Variants in CHD1 observed in about 807,000 individuals in gnomAD.
CHD1 encodes the protein chromodomain helicase DNA binding protein 1, also known as ATP-dependent chromatin remodeler CHD1.
A neutral mutation model predicts 224.2 loss-of-function variants in CHD1; 36 were observed. The observed-to-expected ratio is 0.16, with a 90% CI of 0.12 to 0.21. The LOEUF (loss-of-function observed/expected upper bound fraction) is 0.21, where lower values mean the gene tolerates loss of function less well. Among genes scored for constraint, CHD1 ranks in the 10% least tolerant of loss-of-function variants. The probability of loss-of-function intolerance (pLI) is 1.00; values close to 1 mark genes in which losing one functional copy is unlikely to be tolerated. For missense variants in CHD1, 1,378 were observed against 1,994.8 expected (o/e 0.69, Z 5.89); for synonymous variants, 668 against 658.3 (o/e 1.01, Z -0.23).
At position 98,856,669 on chromosome 5, in the gene CHD1, T is replaced by C; in HGVS notation, c.4844A>G (p.His1615Arg). 1 of 1,613,740 alleles carries C rather than the reference T, an allele frequency of 6.2e-7. No homozygotes were observed. The highest frequency in any genetic ancestry group is 8.5e-7 in the Non-Finnish European group (1 of 1,179,702). The change falls in exon 36 of 36, where the codon CAC (histidine) becomes CGC (arginine). Residue 1615 changes from histidine (H) to arginine (R), a missense_variant. Physicochemically the swap from His to Arg is conservative, Grantham distance 29. Coordinates refer to ENST00000614616, the MANE Select transcript of CHD1 (RefSeq NM_001270.4). Reference sequence around the variant, plus strand: ...TAAACTTCCTTCCAAATTTGACCTGTGATCTCTACTCCTGTGATCATCCAG... The same window carrying C: ...TAAACTTCCTTCCAAATTTGACCTGCGATCTCTACTCCTGTGATCATCCAG... The part of the protein sequence containing the change: ...RKLDDHRSRD[H>R]RSNLEGSLKD...
chr5:98,896,149 C>A, intron 12 of CHD1, 77 bp downstream of exon 12: 1 of 1,229,792 alleles, frequency 8.1e-7, no homozygotes, highest in East Asian at 2.4e-5. Context: ...AGTGAAACCC[C>A]ATCTCAAAAC....
chr5:98,904,937 T>C lies in CHD1; in HGVS notation c.215A>G (p.Asn72Ser). ...TTTCGGTGGTTTTGCTTGAACTTTG[T>C]TTTCTCGGGAAGTGTCTGACTCAGA... ...SESESDTSRE[N>S]KVQAKPPKVD... Residue 72 changes from asparagine to serine, a missense_variant, in exon 3 of 36, where the codon AAC (asparagine) becomes AGC (serine). By Grantham distance (46) the Asn-to-Ser change is conservative. Coordinates refer to ENST00000614616, the MANE Select transcript of CHD1 (RefSeq NM_001270.4). 1 of 1,613,930 alleles carries C rather than the reference T, an allele frequency of 6.2e-7. No homozygotes were observed. Among genetic ancestry groups the C allele is most frequent in the South Asian group, 1.1e-5 (1 of 91,086 alleles).
intron 12 of CHD1, 146 bp downstream of exon 12, chr5:98,896,080 C>T: frequency 1.6e-6 from 1 of 643,926 alleles, no homozygotes; most frequent in Admixed American, 2.8e-5. Flanking sequence ...TGGCGTGCTC[C>T]TGTGGTCCCA....
chr5:98,911,147 ATATATATATATATATAT>A (rs1437315310), intron 2 of CHD1, among the ~76,000 whole-genome samples: 9 of 47,754 alleles, frequency 1.9e-4, no homozygotes, highest in African/African-American at 5.4e-4. Flanking sequence ...AAAAAAAAAA[ATATATATATATATATAT>A]ATATATATAT....
At chr5:98,889,994 A>T (rs1180496926) in intron 15 of CHD1, among the ~76,000 whole-genome samples, 1 of 152,190 alleles carries the variant, frequency 6.6e-6, no homozygotes, top group Non-Finnish European at 1.5e-5. Flanking sequence ...TTACAAGTGC[A>T]AGTTAAACAC....
chr5:98,896,517 T>G (rs1046782786), intron 11 of CHD1, 75 bp from the exon 12 acceptor site: 7 of 951,406 alleles, frequency 7.4e-6, no homozygotes, highest in Non-Finnish European at 1.1e-5. Flanking sequence ...ATCATGTGTA[T>G]ATGTTTTTAT....
At chr5:98,870,942 A>C in intron 28 of CHD1, 139 bp from the exon 29 acceptor site, 6 of 448,034 alleles carry the variant, frequency 1.3e-5, no homozygotes, top group Non-Finnish European at 2.3e-5. Context: ...GAATAAACTC[A>C]ATGCAAAATG....
At chr5:98,916,678 A>T (rs1395090947) in intron 2 of CHD1, among the ~76,000 whole-genome samples, 1 of 152,062 alleles carries the variant, frequency 6.6e-6, no homozygotes, top group East Asian at 1.9e-4. Context: ...GTTATGTGGC[A>T]TTTCATCTGT....
Position 98,870,614 on chromosome 5 carries a change from T to C in CHD1, c.3978+73A>G, listed in dbSNP as rs114664677. ...TAAGCTCATATTGACTTCAGATGTT[T>C]AGCATGGTGAAGTAAACAAAATTTA... is the stretch of plus-strand genomic sequence containing the variant. On this transcript the variant is annotated intron_variant, in intron 29 of 35. Coordinates refer to ENST00000614616, the MANE Select transcript of CHD1 (RefSeq NM_001270.4). 7.8e-4 allele frequency: 584 copies of C among 745,110 alleles called. 6 individuals are homozygous for C. The African/African-American group carries it at 8.5e-3, about 11-fold the overall frequency. 46.2% of individuals were successfully genotyped at this position (745,110 alleles called of 1,614,324 possible).
At chr5:98,920,147 C>G (rs1752995860) in intron 2 of CHD1, among the ~76,000 whole-genome samples, 1 of 151,910 alleles carries the variant, frequency 6.6e-6, no homozygotes, top group Non-Finnish European at 1.5e-5. Flanking sequence ...AGCTGGATTA[C>G]AACTCAAAGC....
chr5:98,870,794 C>A lies in CHD1; in HGVS notation c.3871G>T (p.Asp1291Tyr). 6.2e-7 allele frequency: 1 copy of A among 1,604,810 alleles called. No individual in the cohort carries two copies. Among genetic ancestry groups the A allele is most frequent in the Non-Finnish European group, 8.5e-7 (1 of 1,173,994 alleles). The change falls in exon 29 of 36, where the codon GAT becomes TAT. Residue 1291 changes from aspartate (D) to tyrosine (Y), a missense_variant. This residue lies in a region of CHD1 where 286 missense variants were observed against 445.1 expected (regional missense o/e 0.64). Coordinates refer to ENST00000614616, the MANE Select transcript of CHD1 (RefSeq NM_001270.4). ...DLSLTHKILP[D>Y]DPDKKPQAKQ... Reference sequence around the variant, plus strand: ...GCTTGTGGTTTTTTATCGGGATCATCTGGAAGAATCTGAAAAAGCAATAAA... The same window carrying A: ...GCTTGTGGTTTTTTATCGGGATCATATGGAAGAATCTGAAAAAGCAATAAA...
chr5:98,872,330 A>C, intron 27 of CHD1, 87 bp downstream of exon 27: 1 of 1,457,414 alleles, frequency 6.9e-7, no homozygotes, highest in African/African-American at 1.4e-5. Context: ...TTTCAAAACT[A>C]GCCAATAACA....
intron 2 of CHD1, among the ~76,000 whole-genome samples, chr5:98,919,341 G>T (rs1371739890): frequency 1.3e-5 from 2 of 152,156 alleles, no homozygotes; most frequent in African/African-American, 4.8e-5. Context: ...TCACAGGATG[G>T]AATGCAGATT....
chr5:98,916,972 G>A (rs1752773391), intron 2 of CHD1, among the ~76,000 whole-genome samples: 1 of 152,012 alleles, frequency 6.6e-6, no homozygotes, highest in Admixed American at 6.6e-5. Context: ...GAATCATTTA[G>A]AACTGTGAAA....
intron 1 of CHD1, 150 bp from the exon 2 acceptor site, chr5:98,926,684 T>C (rs1753477697): frequency 4.8e-6 from 1 of 206,398 alleles, no homozygotes; most frequent in South Asian, 1.6e-4. Flanking sequence ...TTAAAATATC[T>C]AGACTTGTAA....
rs1748635413 is a variant in CHD1, at chr5:98,863,539, A to G, written c.4296T>C (p.Asp1432=). ...RPVKAALKQL[D]RPEKGLSERE... ...TTTCTGAAAGGCCTTTCTCAGGCCT[A>G]TCAAGTTGTTTCAAAGCTGCTTTAA... Residue 1432 remains aspartate (D), a synonymous_variant, in exon 32 of 36, where the codon GAT becomes GAC. Transcript: ENST00000614616. The G allele has an allele frequency of 6.2e-6, 10 of 1,608,772 alleles. No homozygotes were observed. Among genetic ancestry groups the G allele is most frequent in the Non-Finnish European group, 8.5e-6 (10 of 1,178,472 alleles).
intron 29 of CHD1, 72 bp from the exon 30 acceptor site, chr5:98,869,954 C>T (rs1254312348): frequency 7.7e-6 from 9 of 1,174,934 alleles, no homozygotes; most frequent in African/African-American, 4.6e-5. Context: ...ACATTAAATC[C>T]AAGGGCTAGA....
intron 7 of CHD1, among the ~76,000 whole-genome samples, chr5:98,900,412 A>G (rs1751625029): frequency 6.6e-6 from 1 of 152,020 alleles, no homozygotes; most frequent in South Asian, 2.1e-4. Context: ...TTAGCTTTCA[A>G]CACTGTAGAA....
Position 98,905,057 on chromosome 5 carries a change from G to A in CHD1, c.95C>T (p.Ser32Phe). 6.3e-7 allele frequency: 1 copy of A among 1,599,866 alleles called. No individual in the cohort carries two copies. The highest frequency in any genetic ancestry group is 8.6e-7 in the Non-Finnish European group (1 of 1,167,028). The change falls in exon 3 of 36, where the codon TCT (serine) becomes TTT (phenylalanine). Residue 32 changes from serine (S) to phenylalanine (F), a missense_variant. This residue lies in a region of CHD1 where 306 missense variants were observed against 298.1 expected (regional missense o/e 1.03). Transcript: ENST00000614616. The part of the protein sequence containing the change: ...DDSGSASGSG[S>F]GSSSGSSSDG... ...ACTACTGCTTCCAGAACTCGAACCA[G>A]ATCCAGAGCCTGAAGCTGACCCAGA...
Sources: gnomAD v4.1 joint callset for allele counts (sites outside exome capture counted in the v4.1 genomes callset) on GRCh38, gnomAD v4.1.1 for gene constraint, gnomAD v4.1.1 regional missense constraint, MANE v1.5 for transcripts, NCBI Gene and HGNC (gene_info 2026-07-23, HGNC 2026-07-21) for gene names.